The following FAM114A2 variants were observed in gnomAD, a reference collection of about 807,000 sequenced individuals.
The protein encoded by FAM114A2 is family with sequence similarity 114 member A2.
Under a neutral mutation model 58.4 loss-of-function variants are expected in FAM114A2, and 53 were observed. The ratio of observed to expected loss-of-function variants is 0.91; its 90% CI spans 0.73 to 1.14. The LOEUF (loss-of-function observed/expected upper bound fraction) is 1.14, where lower values mean the gene tolerates loss of function less well. Ranked by LOEUF, FAM114A2 falls within the 50% of genes most tolerant of loss-of-function variation. The pLI is 0.00. For synonymous variants in FAM114A2, 228 were observed against 211.4 expected, an observed-to-expected ratio of 1.08 and a Z score of -0.68; for missense variants, 601 against 581.1, an observed-to-expected ratio of 1.03 and a Z score of -0.35.
chr5:154,010,811 C>G (rs1252623871), intron 9 of FAM114A2, among the ~76,000 whole-genome samples: 1 of 152,178 alleles, frequency 6.6e-6, no homozygotes, highest in African/African-American at 2.4e-5. Context: ...TAGTCATTAT[C>G]TGAGTCACTG....
intron 9 of FAM114A2, among the ~76,000 whole-genome samples, chr5:154,003,177 G>GCTTTTTTT (rs369892098): frequency 3.0e-5 from 4 of 134,882 alleles, no homozygotes; most frequent in Non-Finnish European, 4.8e-5. Flanking sequence ...CTAATTGGTA[G>GCTTTTTTT]TATTTTTTTT....
intron 13 of FAM114A2, among the ~76,000 whole-genome samples, chr5:153,994,091 T>C (rs957371256): frequency 3.3e-5 from 5 of 152,198 alleles, no homozygotes; most frequent in Admixed American, 1.3e-4. Context: ...TTTTTAAAAA[T>C]TATTACAATG....
At chr5:154,017,437 C>A (rs970735062) in intron 8 of FAM114A2, among the ~76,000 whole-genome samples, 13 of 151,988 alleles carry the variant, frequency 8.6e-5, no homozygotes, top group African/African-American at 3.1e-4. Context: ...AGCGAAACTC[C>A]ATCTCAAAAA....
chr5:153,996,786 C>T (rs1388013992), intron 12 of FAM114A2, among the ~76,000 whole-genome samples: 2 of 151,832 alleles, frequency 1.3e-5, no homozygotes, highest in African/African-American at 2.4e-5. Flanking sequence ...CACCTAAGGT[C>T]GGGAGTTCGA....
In FAM114A2 at chr5:154,002,405, A is replaced by T. The variant is rs754382121; in HGVS notation, c.1117-15T>A. 16 of 1,611,468 alleles carry T rather than the reference A, an allele frequency of 9.9e-6. No individual in the cohort carries two copies. Among genetic ancestry groups the T allele is most frequent in the Non-Finnish European group, 1.4e-5 (16 of 1,177,758 alleles). ...GCATGGATATCCTGGATGGAAAAAC[A>T]AAACAAAGCATAGCAAAACAAAACA... On this transcript the variant is annotated splice_polypyrimidine_tract_variant and intron_variant, in intron 10 of 13. Coordinates refer to ENST00000351797, the MANE Select transcript of FAM114A2 (RefSeq NM_018691.4).
At chr5:154,025,441 T>C (rs1771711175) in intron 8 of FAM114A2, among the ~76,000 whole-genome samples, 1 of 152,248 alleles carries the variant, frequency 6.6e-6, no homozygotes. Context: ...AAAAAACTCA[T>C]TATAATTTTT....
At chr5:154,033,374 A>T (rs1461591177) in intron 4 of FAM114A2, among the ~76,000 whole-genome samples, 2 of 152,222 alleles carry the variant, frequency 1.3e-5, no homozygotes, top group Admixed American at 1.3e-4. Flanking sequence ...TAGTCTTCAT[A>T]AAAATCTGAA....
chr5:154,002,701 T>C, intron 10 of FAM114A2, 146 bp downstream of exon 10: 1 of 883,450 alleles, frequency 1.1e-6, no homozygotes, highest in East Asian at 2.4e-5. Flanking sequence ...TCCTTTAATC[T>C]TATAGTCTGG....
chr5:154,017,801 C>A (rs190534526), intron 8 of FAM114A2, among the ~76,000 whole-genome samples: 1 of 152,120 alleles, frequency 6.6e-6, no homozygotes, highest in African/African-American at 2.4e-5. Context: ...GCAAATACAT[C>A]GAAATTAAAT....
chr5:154,032,130 CCT>C (rs1178432013), intron 4 of FAM114A2, among the ~76,000 whole-genome samples: 1 of 152,162 alleles, frequency 6.6e-6, no homozygotes, highest in Admixed American at 6.5e-5. Flanking sequence ...ACCACTTGCC[CCT>C]CTTATCTACC....
intron 11 of FAM114A2, among the ~76,000 whole-genome samples, chr5:154,000,206 C>G (rs940341792): frequency 5.9e-5 from 9 of 151,946 alleles, no homozygotes; most frequent in African/African-American, 1.7e-4. Flanking sequence ...AAGGTGGGTG[C>G]GTGAGTGGGT....
intron 13 of FAM114A2, among the ~76,000 whole-genome samples, chr5:153,994,214 A>G (rs1045930888): frequency 3.3e-5 from 5 of 152,228 alleles, no homozygotes; most frequent in Non-Finnish European, 5.9e-5. Context: ...AGAGTTTGGT[A>G]GTTAAAACAT....
rs2113319554 is a variant in FAM114A2 at position 154,011,394 on chromosome 5, G to A, written c.914-74C>T. On this transcript the variant is annotated intron_variant, in intron 8 of 13. Coordinates refer to ENST00000351797, the MANE Select transcript of FAM114A2 (RefSeq NM_018691.4). ...TCATGAGGTGGCAGGCGAGGAGGAA[G>A]AGGAGAGGAGTGGTAATAGCAGTGA... is the stretch of plus-strand genomic sequence containing the variant. 3 of 930,518 alleles carry A rather than the reference G, an allele frequency of 3.2e-6. 1 individual carries two copies. Among genetic ancestry groups the A allele is most frequent in the Middle Eastern group, 4.3e-4 (2 of 4,652 alleles). 57.6% of individuals were successfully genotyped at this position (930,518 alleles called of 1,614,324 possible).
chr5:153,992,791 A>C lies in FAM114A2; in HGVS notation c.*185T>G. On this transcript the variant is annotated 3_prime_UTR_variant, in exon 14 of 14. Coordinates refer to ENST00000351797, the MANE Select transcript of FAM114A2 (RefSeq NM_018691.4). ...TTTATGAATTACAACAACTGGAAAG[A>C]ATACTGTGAGAACCTGAATACTTCA... The C allele has an allele frequency of 2.3e-6, 1 of 426,770 alleles. No homozygotes were observed. The highest frequency in any genetic ancestry group is 4.1e-6 in the Non-Finnish European group (1 of 241,848). The allele number at this position is 426,770 out of a possible 1,614,324, so 26.4% of individuals were successfully genotyped here. A position where few individuals can be genotyped will look rare whatever the true frequency, so the allele number is the denominator to read the frequency against.
intron 8 of FAM114A2, among the ~76,000 whole-genome samples, chr5:154,019,541 T>G (rs1316941073): frequency 6.6e-6 from 1 of 152,108 alleles, no homozygotes; most frequent in African/African-American, 2.4e-5. Flanking sequence ...ATCCTAAAAT[T>G]TGTATGGAAC....
At chr5:154,035,515 TTAGTATTCCTTCCTTTTTATTTCTGAG>T (rs1285150186) in intron 1 of FAM114A2, among the ~76,000 whole-genome samples, 2 of 152,220 alleles carry the variant, frequency 1.3e-5, no homozygotes, top group African/African-American at 4.8e-5. Flanking sequence ...TTAAGTTGTA[TTAGTATTCCTTCCTTTTTATTTCTGAG>T]TAGTATTCCA....
chr5:154,036,132 C>T (rs1170852807), intron 1 of FAM114A2: 1 of 151,716 alleles, frequency 6.6e-6, no homozygotes, highest in African/African-American at 2.4e-5. Flanking sequence ...TTTTAATTGT[C>T]TTCATTGGGC....
At chr5:153,996,243 T>G (rs1223193704) in intron 12 of FAM114A2, among the ~76,000 whole-genome samples, 1 of 152,128 alleles carries the variant, frequency 6.6e-6, no homozygotes, top group Non-Finnish European at 1.5e-5. Flanking sequence ...AACAAACCCA[T>G]ATATCTATGG....
At position 154,021,093 on chromosome 5, in the gene FAM114A2, AC is replaced by A. The variant is rs775521585; in HGVS notation, c.913+5305del. 5.9e-5 allele frequency among the ~76,000 whole-genome samples: 9 copies of A among 152,350 alleles called. No homozygotes were observed. The South Asian group carries it at 6.2e-4, about 11-fold the overall frequency. On this transcript the variant is annotated intron_variant, in intron 8 of 13. Coordinates refer to ENST00000351797, the MANE Select transcript of FAM114A2 (RefSeq NM_018691.4). ...CAGAAAAGGCCTTTGACAAAATTCA[AC>A]AGCCCTTCATACTAAAAACTCTCAA...
Sources: allele counts gnomAD v4.1 joint callset (sites outside exome capture counted in the v4.1 genomes callset), GRCh38; gene constraint gnomAD v4.1.1; transcripts MANE v1.5; gene names NCBI Gene and HGNC (gene_info 2026-07-23, HGNC 2026-07-21).